Variants in RELN observed in about 807,000 individuals in gnomAD.
The protein encoded by RELN is reelin.
RELN carries 108 observed loss-of-function variants against 427.6 expected under a neutral mutation model. The observed-to-expected ratio is 0.25, with a 90% CI of 0.22 to 0.30. The LOEUF is 0.30. RELN is among the 10% of genes least tolerant of loss of function. The probability of loss-of-function intolerance (pLI) is 1.00; values close to 1 mark genes in which losing one functional copy is unlikely to be tolerated. For missense variants in RELN, 3,715 were observed against 4,302.8 expected (o/e 0.86, Z 3.82); for synonymous variants, 1,524 against 1,513.4 (o/e 1.01, Z -0.16).
intron 1 of RELN, among the ~76,000 whole-genome samples, chr7:103,925,453 A>C (rs1795711806): frequency 1.3e-5 from 2 of 152,152 alleles, no homozygotes; most frequent in South Asian, 4.1e-4. Context: ...AACCACAGAC[A>C]AGAGTAACTG....
intron 53 of RELN, among the ~76,000 whole-genome samples, chr7:103,498,595 A>C (rs1171709421): frequency 3.9e-5 from 6 of 151,938 alleles, no homozygotes; most frequent in Non-Finnish European, 8.8e-5. Context: ...GGGTTCAAGC[A>C]ATTCTCATGC....
intron 4 of RELN, among the ~76,000 whole-genome samples, chr7:103,771,379 A>C (rs879341409): frequency 2.0e-5 from 3 of 149,362 alleles, no homozygotes; most frequent in Non-Finnish European, 3.0e-5. Flanking sequence ...TCTTCTTCCC[A>C]CTCCTGCCCA....
intron 1 of RELN, among the ~76,000 whole-genome samples, chr7:103,977,193 C>T (rs762046980): frequency 6.6e-5 from 10 of 151,636 alleles, no homozygotes; most frequent in Non-Finnish European, 1.3e-4. Context: ...CGCCTGTAAT[C>T]CTAGCTACTT....
At chr7:103,725,782 G>A (rs1790196247) in intron 7 of RELN, among the ~76,000 whole-genome samples, 1 of 152,050 alleles carries the variant, frequency 6.6e-6, no homozygotes, top group African/African-American at 2.4e-5. Context: ...AACCCAGTGA[G>A]GGGTGCATGG....
chr7:103,845,491 A>G (rs895112018), intron 2 of RELN, among the ~76,000 whole-genome samples: 1 of 152,186 alleles, frequency 6.6e-6, no homozygotes, highest in Non-Finnish European at 1.5e-5. Flanking sequence ...CACTCTCAAC[A>G]TTGTGGTTGA....
intron 58 of RELN, 97 bp downstream of exon 58, chr7:103,491,856 T>TCTCTCTCTCACA (rs57217576): frequency 1.6e-4 from 46 of 288,636 alleles, no homozygotes; most frequent in African/African-American, 6.2e-4. Flanking sequence ...TCTCTCTCTC[T>TCTCTCTCTCACA]CACACACACA....
intron 10 of RELN, among the ~76,000 whole-genome samples, chr7:103,691,183 A>G (rs142697656): frequency 8.8e-4 from 134 of 152,292 alleles, no homozygotes; most frequent in African/African-American, 3.0e-3. Context: ...ACCTACAATT[A>G]TAATTCTCCA....
chr7:103,539,928 T>C (rs1221247777), intron 44 of RELN, among the ~76,000 whole-genome samples: 1 of 152,224 alleles, frequency 6.6e-6, no homozygotes, highest in Non-Finnish European at 1.5e-5. Flanking sequence ...CTTGATAAAG[T>C]CCCTCTATCC....
chr7:103,727,475 A>T (rs1666706573), intron 7 of RELN, among the ~76,000 whole-genome samples: 1 of 152,194 alleles, frequency 6.6e-6, no homozygotes. Context: ...AAGGCTCATT[A>T]GCCACATGCT....
Position 103,651,748 on chromosome 7 carries a change from G to T in RELN, c.1805C>A (p.Ser602Tyr). The T allele has an allele frequency of 6.2e-7, 1 of 1,611,684 alleles. No homozygotes were observed. The highest frequency in any genetic ancestry group is 1.1e-5 in the South Asian group (1 of 91,042). Residue 602 changes from serine to tyrosine, a missense_variant, in exon 15 of 65, where the codon TCC becomes TAC. Physicochemically the swap from Ser to Tyr is moderately radical, Grantham distance 144. Around this residue, in one of 4 missense-constraint regions of RELN, gnomAD observed 2,208 missense variants for 2,361.7 expected, o/e 0.93. Coordinates refer to ENST00000428762, the MANE Select transcript of RELN (RefSeq NM_005045.4). ...EFSTNHGRSW[S>Y]LLHTECLPEI... ...AGGTAAGCATTCAGTGTGAAGGAGG[G>T]ACCAGGAGCGCCCATGGTTGGTAGA...
chr7:103,498,501 T>C (rs1584234801), intron 53 of RELN, among the ~76,000 whole-genome samples: 2 of 152,142 alleles, frequency 1.3e-5, no homozygotes, highest in East Asian at 3.9e-4. Flanking sequence ...TATATCAATT[T>C]TTTTTTTTGA....
At chr7:103,516,288 T>C (rs1829565144) in intron 49 of RELN, among the ~76,000 whole-genome samples, 1 of 130,080 alleles carries the variant, frequency 7.7e-6, no homozygotes, top group Admixed American at 8.2e-5. Flanking sequence ...CAAAGTATCT[T>C]TTTTTTTTTT....
Position 103,768,226 on chromosome 7 carries a change from A to C in RELN, c.544+8331T>G, listed in dbSNP as rs1042223067. Among the ~76,000 whole-genome samples the C allele has an allele frequency of 2.0e-5, 3 of 152,150 alleles. No homozygotes were observed. In the South Asian group the frequency reaches 6.2e-4, roughly 32 times the overall value. On this transcript the variant is annotated intron_variant, in intron 4 of 64. Coordinates refer to ENST00000428762, the MANE Select transcript of RELN (RefSeq NM_005045.4). Reference sequence around the variant, plus strand: ...CTAAGCATCTTTTACTCTCAAAATAATTGAGGGTATACAGCCCAGCCAACC... The same window carrying C: ...CTAAGCATCTTTTACTCTCAAAATACTTGAGGGTATACAGCCCAGCCAACC...
chr7:103,684,422 T>C lies in RELN; in HGVS notation c.1144-2161A>G, dbSNP rs537151289. 1.1e-3 allele frequency among the ~76,000 whole-genome samples: 161 copies of C among 152,322 alleles called. 3 individuals carry two copies. The highest frequency in any genetic ancestry group is 3.8e-3 in the African/African-American group (159 of 41,564). On this transcript the variant is annotated intron_variant, in intron 10 of 64. Transcript: ENST00000428762. ...TGCTTTCTATCTGCATTTCTGGCTC[T>C]GAATGGGAATCCACGGCTTCCTTGG...
chr7:103,869,158 T>C (rs1407319961), intron 2 of RELN, among the ~76,000 whole-genome samples: 1 of 152,078 alleles, frequency 6.6e-6, no homozygotes, highest in Non-Finnish European at 1.5e-5. Flanking sequence ...GAGTTTCAAG[T>C]TGTAAAGTAA....
chr7:103,579,694 A>G (rs535686159), intron 28 of RELN, among the ~76,000 whole-genome samples: 72 of 152,042 alleles, frequency 4.7e-4, no homozygotes, highest in African/African-American at 1.7e-3. Flanking sequence ...AGATAAATAA[A>G]AAGAAGAAGA....
intron 8 of RELN, among the ~76,000 whole-genome samples, chr7:103,711,514 A>C (rs985443889): frequency 3.3e-5 from 5 of 152,246 alleles, no homozygotes; most frequent in African/African-American, 1.2e-4. Flanking sequence ...GAATAAAGAG[A>C]GAATAAGACT....
In RELN at chr7:103,807,034, A is replaced by G. The variant is rs138109330; in HGVS notation, c.473+26503T>C. Among the ~76,000 whole-genome samples the G allele has an allele frequency of 1.4e-3, 206 of 152,292 alleles. 1 individual carries two copies. Among genetic ancestry groups the G allele is most frequent in the African/African-American group, 4.8e-3 (199 of 41,568 alleles). On this transcript the variant is annotated intron_variant, in intron 3 of 64. Coordinates refer to ENST00000428762, the MANE Select transcript of RELN (RefSeq NM_005045.4). ...ATTACAGTGGAATGTGGTAAGTGCA[A>G]TGGCTGCACAGGAAGATCCTAATCT...
At position 103,868,758 on chromosome 7, in the gene RELN, T is replaced by C. The variant is rs187045287; in HGVS notation, c.338-35086A>G. The stretch of plus-strand genomic sequence containing the variant: ...GAGACTGTTAAACAGTACATATATA[T>C]GTTATTTAGGATCACTTTTTACTGA... On this transcript the variant is annotated intron_variant, in intron 2 of 64. Coordinates refer to ENST00000428762, the MANE Select transcript of RELN (RefSeq NM_005045.4). Among the ~76,000 whole-genome samples, 7 of 152,252 alleles carry C rather than the reference T, an allele frequency of 4.6e-5. No homozygotes were observed. In the East Asian group the frequency reaches 7.7e-4, roughly 17 times the overall value.
Sources: gnomAD v4.1 joint callset for allele counts (sites outside exome capture counted in the v4.1 genomes callset) on GRCh38, gnomAD v4.1.1 for gene constraint, gnomAD v4.1.1 regional missense constraint, MANE v1.5 for transcripts, NCBI Gene and HGNC (gene_info 2026-07-23, HGNC 2026-07-21) for gene names.